The following SETBP1 variants were observed in gnomAD, a reference collection of about 807,000 sequenced individuals.
SETBP1 encodes SET binding protein 1.
A neutral mutation model predicts 101.0 loss-of-function variants in SETBP1; 9 were observed. That is an observed-to-expected ratio of 0.09 (90% CI 0.05 to 0.16). SETBP1 has a LOEUF of 0.16. Ranked by LOEUF, SETBP1 falls within the 10% of genes least tolerant of loss-of-function variation. The probability of loss-of-function intolerance (pLI) is 1.00; values close to 1 mark genes in which losing one functional copy is unlikely to be tolerated. For synonymous variants in SETBP1, 818 were observed against 788.5 expected, an observed-to-expected ratio of 1.04 and a Z score of -0.63; for missense variants, 1,858 against 2,033.8, an observed-to-expected ratio of 0.91 and a Z score of 1.66.
chr18:44,893,710 A>G (rs1349159053), intron 3 of SETBP1, among the ~76,000 whole-genome samples: 1 of 152,176 alleles, frequency 6.6e-6, no homozygotes, highest in Non-Finnish European at 1.5e-5. Context: ...AAGAGAAAGG[A>G]AAAAAGAAAA....
intron 4 of SETBP1, among the ~76,000 whole-genome samples, chr18:45,005,643 CTTTTTTTT>C (rs11301319): frequency 3.4e-5 from 4 of 116,240 alleles, no homozygotes; most frequent in African/African-American, 1.3e-4. Flanking sequence ...TAAAATCTTC[CTTTTTTTT>C]TTTTTTTTTT....
chr18:44,709,458 T>A (rs939704898), intron 2 of SETBP1, among the ~76,000 whole-genome samples: 14 of 152,336 alleles, frequency 9.2e-5, no homozygotes, highest in African/African-American at 3.4e-4. Flanking sequence ...ACAGCCTGCA[T>A]AATCTTAGGC....
intron 4 of SETBP1, among the ~76,000 whole-genome samples, chr18:45,029,800 G>A (rs1341954647): frequency 1.3e-5 from 2 of 152,046 alleles, no homozygotes; most frequent in African/African-American, 4.8e-5. Flanking sequence ...CTCATGATTT[G>A]GCTCTCTGTT....
At chr18:45,043,998 G>A (rs1331172862) in intron 5 of SETBP1, among the ~76,000 whole-genome samples, 1 of 152,160 alleles carries the variant, frequency 6.6e-6, no homozygotes. Context: ...ACAAAAAAGA[G>A]CAATGAACAG....
intron 2 of SETBP1, among the ~76,000 whole-genome samples, chr18:44,781,080 G>A (rs998206568): frequency 2.0e-5 from 3 of 152,224 alleles, no homozygotes; most frequent in African/African-American, 7.2e-5. Flanking sequence ...AGGCTGCTGG[G>A]CTGGCGAGGC....
chr18:44,701,252 GT>G lies in SETBP1; in HGVS notation c.-93del, dbSNP rs2069110322. 5.0e-6 allele frequency: 7 copies of G among 1,395,802 alleles called. No individual in the cohort carries two copies. The highest frequency in any genetic ancestry group is 6.6e-6 in the Non-Finnish European group (7 of 1,053,196). The allele number at this position is 1,395,802 out of a possible 1,614,324, so 86.5% of individuals were successfully genotyped here. On this transcript the variant is annotated 5_prime_UTR_variant, in exon 2 of 6. Coordinates refer to ENST00000649279, the MANE Select transcript of SETBP1 (RefSeq NM_015559.3). ...CTGACCCTAGCAACTGGACCACTTTGTTCTTGGAATTTTGGGTGTCCTCTTT... is the reference window on the plus strand; with the variant it reads ...CTGACCCTAGCAACTGGACCACTTTGTCTTGGAATTTTGGGTGTCCTCTTT...
At chr18:45,007,318 T>C (rs191227643) in intron 4 of SETBP1, among the ~76,000 whole-genome samples, 1 of 152,290 alleles carries the variant, frequency 6.6e-6, no homozygotes, top group East Asian at 1.9e-4. Context: ...GTTTTTTCAT[T>C]TGTCTTGCTC....
At chr18:44,705,595 C>T (rs2069200714) in intron 2 of SETBP1, among the ~76,000 whole-genome samples, 1 of 152,100 alleles carries the variant, frequency 6.6e-6, no homozygotes, top group Non-Finnish European at 1.5e-5. Context: ...CTTGACAGCT[C>T]CAGGCAAAGA....
intron 2 of SETBP1, among the ~76,000 whole-genome samples, chr18:44,708,899 A>C (rs1309130664): frequency 6.6e-6 from 1 of 152,226 alleles, no homozygotes; most frequent in African/African-American, 2.4e-5. Flanking sequence ...TCATTACTAT[A>C]AACAGATTTT....
intron 4 of SETBP1, among the ~76,000 whole-genome samples, chr18:44,956,111 G>T (rs2071474728): frequency 6.6e-6 from 1 of 152,098 alleles, no homozygotes; most frequent in Admixed American, 6.6e-5. Flanking sequence ...GTTGGTGGCT[G>T]CTACATCTAT....
intron 3 of SETBP1, among the ~76,000 whole-genome samples, chr18:44,924,706 C>A (rs1228480181): frequency 6.6e-6 from 1 of 152,050 alleles, no homozygotes; most frequent in Non-Finnish European, 1.5e-5. Context: ...ACACCATAGA[C>A]CCTAGGGTTG....
At chr18:44,813,418 A>G (rs769543723) in intron 2 of SETBP1, among the ~76,000 whole-genome samples, 1 of 152,188 alleles carries the variant, frequency 6.6e-6, no homozygotes, top group Non-Finnish European at 1.5e-5. Context: ...GAAAGAAGCC[A>G]ATAGCCCACT....
At chr18:44,987,148 G>T (rs943742211) in intron 4 of SETBP1, 2 of 152,082 alleles carry the variant, frequency 1.3e-5, no homozygotes, top group Non-Finnish European at 2.9e-5. Flanking sequence ...AACATCACCA[G>T]GCATTTTAGG....
chr18:44,806,866 A>G (rs545615567), intron 2 of SETBP1, among the ~76,000 whole-genome samples: 3 of 151,544 alleles, frequency 2.0e-5, no homozygotes, highest in African/African-American at 7.3e-5. Context: ...TAGTGTCCTT[A>G]TGTTTAGGAC....
At chr18:44,977,894 G>A (rs1373150073) in intron 4 of SETBP1, among the ~76,000 whole-genome samples, 2 of 152,124 alleles carry the variant, frequency 1.3e-5, no homozygotes, top group Non-Finnish European at 2.9e-5. Flanking sequence ...GAGAGCTGGT[G>A]AATTAGTAAA....
intron 3 of SETBP1, among the ~76,000 whole-genome samples, chr18:44,948,268 A>T (rs750073050): frequency 5.3e-5 from 8 of 152,194 alleles, no homozygotes; most frequent in Non-Finnish European, 1.0e-4. Flanking sequence ...AAAATATTGT[A>T]AGTATAAACA....
intron 3 of SETBP1, among the ~76,000 whole-genome samples, chr18:44,889,790 T>A (rs1464425107): frequency 1.3e-5 from 2 of 152,190 alleles, no homozygotes; most frequent in African/African-American, 4.8e-5. Flanking sequence ...GCCGTCTATG[T>A]GGGGAAGCCC....
At chr18:44,695,038 A>C (rs1255361362) in intron 1 of SETBP1, among the ~76,000 whole-genome samples, 1 of 152,212 alleles carries the variant, frequency 6.6e-6, no homozygotes, top group African/African-American at 2.4e-5. Context: ...AATTAAAAAA[A>C]AATCCACAGT....
At chr18:44,709,636 G>T (rs2614999) in intron 2 of SETBP1, among the ~76,000 whole-genome samples, 112,055 of 151,972 alleles carry the variant, frequency 0.74, 41,760 homozygotes, top group African/African-American at 0.83. Context: ...CTCTCCCTGC[G>T]GACCATCCAT....
Sources: allele counts gnomAD v4.1 joint callset (sites outside exome capture counted in the v4.1 genomes callset), GRCh38; gene constraint gnomAD v4.1.1; transcripts MANE v1.5; gene names NCBI Gene and HGNC (gene_info 2026-07-23, HGNC 2026-07-21).